The following GABRA6 variants were observed in gnomAD, a reference collection of about 807,000 sequenced individuals.
GABRA6 encodes gamma-aminobutyric acid receptor subunit alpha-6.
Under a neutral mutation model 47.3 loss-of-function variants are expected in GABRA6, and 45 were observed. That is an observed-to-expected ratio of 0.95 (90% confidence interval 0.75 to 1.22). The LOEUF is 1.22. Ranked by LOEUF, GABRA6 falls within the 50% of genes most tolerant of loss-of-function variation. GABRA6 has a pLI of 0.00. For synonymous variants in GABRA6, 219 were observed against 194.7 expected, an observed-to-expected ratio of 1.12 and a Z score of -1.04; for missense variants, 583 against 549.3, an observed-to-expected ratio of 1.06 and a Z score of -0.61.
rs1355101966 is a variant in GABRA6 at position 161,701,495 on chromosome 5, C to G, written c.1087-3C>G. 3 of 1,613,972 alleles carry G rather than the reference C, an allele frequency of 1.9e-6. No individual in the cohort carries two copies. Among genetic ancestry groups the G allele is most frequent in the Non-Finnish European group, 2.5e-6 (3 of 1,179,956 alleles). On this transcript the variant is annotated splice_polypyrimidine_tract_variant and splice_region_variant and intron_variant, in intron 8 of 8. Coordinates refer to ENST00000274545, the MANE Select transcript of GABRA6 (RefSeq NM_000811.3). ...GGGCTTAATATTTGTCTTTTTTCCA[C>G]AGCATCCTGACTCCAAATATCATCT...
intron 8 of GABRA6, among the ~76,000 whole-genome samples, chr5:161,696,812 C>T (rs1431317319): frequency 6.6e-6 from 1 of 152,140 alleles, no homozygotes; most frequent in Non-Finnish European, 1.5e-5. Flanking sequence ...AATATGATGA[C>T]TTTTGCAAAC....
At chr5:161,687,253 A>G (rs1224353344) in intron 3 of GABRA6, 2 of 509,220 alleles carry the variant, frequency 3.9e-6, no homozygotes, top group Non-Finnish European at 7.2e-6. Flanking sequence ...CATGCTATGC[A>G]CTAATTCTTC....
chr5:161,694,864 T>C (rs991672074), intron 8 of GABRA6, among the ~76,000 whole-genome samples: 1 of 152,158 alleles, frequency 6.6e-6, no homozygotes, highest in African/African-American at 2.4e-5. Flanking sequence ...TTGCATTACA[T>C]TTGTTCGTGT....
At chr5:161,690,014 C>G (rs1490466712) in intron 6 of GABRA6, 187 bp from the exon 7 acceptor site, 11 of 675,984 alleles carry the variant, frequency 1.6e-5, no homozygotes, top group Non-Finnish European at 2.8e-5. Flanking sequence ...CTACTGAAAA[C>G]AATAAGTTGA....
In GABRA6 at chr5:161,691,982, G is replaced by A. The variant is rs985539612; in HGVS notation, c.868G>A (p.Ala290Thr). ...AACTATGACCACTTTGAGCATCAGTGCCCGGCACTCTTTGCCAAAAGTGTC... is the reference window on the plus strand; with the variant it reads ...AACTATGACCACTTTGAGCATCAGTACCCGGCACTCTTTGCCAAAAGTGTC... ...VLTMTTLSIS[A>T]RHSLPKVSYA... Residue 290 changes from alanine (A) to threonine (T), a missense_variant, in exon 8 of 9, where the codon GCC (alanine) becomes ACC (threonine). By Grantham distance (58) the Ala-to-Thr change is moderately conservative (BLOSUM62 0). Transcript: ENST00000274545. The A allele has an allele frequency of 6.2e-7, 1 of 1,613,956 alleles. No individual in the cohort carries two copies. Among genetic ancestry groups the A allele is most frequent in the African/African-American group, 1.3e-5 (1 of 75,016 alleles).
rs201745068 is a variant in GABRA6 at position 161,686,917 on chromosome 5, C to T, written c.158-19C>T. 635 of 1,611,138 alleles carry T rather than the reference C, an allele frequency of 3.9e-4. 11 individuals are homozygous for T. In the South Asian group the frequency reaches 6.0e-3, roughly 15 times the overall value. ...ACATCAGTGGTGATAATTGTTTCAT[C>T]CCTCTGGGCTAATTTCAGGTGCTGT... On this transcript the variant is annotated intron_variant, in intron 2 of 8. Transcript: ENST00000274545.
intron 3 of GABRA6, chr5:161,687,523 G>A (rs1754723164): frequency 2.2e-6 from 1 of 456,004 alleles, no homozygotes; most frequent in African/African-American, 2.0e-5. Context: ...CTCTGTTCCA[G>A]GTACAGATGG....
intron 2 of GABRA6, among the ~76,000 whole-genome samples, 164 bp downstream of exon 2, chr5:161,686,512 G>A (rs1754704660): frequency 1.3e-5 from 2 of 152,156 alleles, no homozygotes; most frequent in Admixed American, 1.3e-4. Flanking sequence ...TCCACCATTA[G>A]TAGCCTTGTT....
chr5:161,701,911 A>AACGC lies in GABRA6; in HGVS notation c.*139_*140insCGCA. 1.1e-6 allele frequency: 1 copy of AACGC among 888,694 alleles called. No individual in the cohort carries two copies. The highest frequency in any genetic ancestry group is 2.6e-5 in the East Asian group (1 of 38,960). 55.1% of individuals were successfully genotyped at this position (888,694 alleles called of 1,614,324 possible). On this transcript the variant is annotated 3_prime_UTR_variant, in exon 9 of 9. Transcript: ENST00000274545. ...TGGAAATCTGTAACGCAGCTTCCGT[A>AACGC]AGCATGTGTGGGCAAAAAAGCAATA...
At position 161,701,591 on chromosome 5, in the gene GABRA6, G is replaced by A. The variant is rs776364277; in HGVS notation, c.1180G>A (p.Ala394Thr). Residue 394 changes from alanine to threonine, a missense_variant, in exon 9 of 9, where the codon GCG becomes ACG. Ala to Thr is a moderately conservative substitution (Grantham distance 58, BLOSUM62 0). Coordinates refer to ENST00000274545, the MANE Select transcript of GABRA6 (RefSeq NM_000811.3). The part of the protein sequence containing the change: ...SSEANKVLTR[A>T]PILQSTPVTP... ...CGAGGCCAATAAAGTGCTCACGAGAGCGCCCATCTTACAATCAACACCTGT... is the reference window on the plus strand; with the variant it reads ...CGAGGCCAATAAAGTGCTCACGAGAACGCCCATCTTACAATCAACACCTGT... 12 of 1,613,980 alleles carry A rather than the reference G, an allele frequency of 7.4e-6. No individual in the cohort carries two copies. The highest frequency in any genetic ancestry group is 5.0e-5 in the Admixed American group (3 of 59,974).
chr5:161,697,178 A>C (rs553627054), intron 8 of GABRA6, among the ~76,000 whole-genome samples: 1 of 152,324 alleles, frequency 6.6e-6, no homozygotes, highest in East Asian at 1.9e-4. Context: ...GCAAAAATTC[A>C]AAACCACAGG....
In GABRA6 at chr5:161,701,216, T is replaced by C. The variant is rs1182647961; in HGVS notation, c.1087-282T>C. On this transcript the variant is annotated intron_variant, in intron 8 of 8. Transcript: ENST00000274545. ...GGCTCGTCTTTCCCTAAGGATACAA[T>C]GCTTACCGTAGTTCTATGACATGAA... is the stretch of plus-strand genomic sequence containing the variant. 5.3e-5 allele frequency among the ~76,000 whole-genome samples: 8 copies of C among 152,308 alleles called. No individual in the cohort carries two copies. The East Asian group carries it at 1.4e-3, about 26-fold the overall frequency.
At chr5:161,699,198 G>A (rs982314783) in intron 8 of GABRA6, among the ~76,000 whole-genome samples, 1 of 152,134 alleles carries the variant, frequency 6.6e-6, no homozygotes, top group Non-Finnish European at 1.5e-5. Flanking sequence ...GACAGATAAT[G>A]CATGCTGTTA....
At chr5:161,686,907 A>G (rs1392062920) in intron 2 of GABRA6, 29 bp from the exon 3 acceptor site, 10 of 1,601,200 alleles carry the variant, frequency 6.2e-6, no homozygotes, top group Non-Finnish European at 8.6e-6. Flanking sequence ...AGTGGTGATA[A>G]TTGTTTCATC....
chr5:161,688,962 A>T lies in GABRA6; in HGVS notation c.239A>T (p.Asp80Val). 1.2e-6 allele frequency: 2 copies of T among 1,613,474 alleles called. No individual in the cohort carries two copies. The highest frequency in any genetic ancestry group is 1.7e-5 in the Admixed American group (1 of 60,012). The change falls in exon 4 of 9, where the codon GAT becomes GTT. Residue 80 changes from aspartate (D) to valine (V), a missense_variant. Asp to Val is a radical substitution (Grantham distance 152). Coordinates refer to ENST00000274545, the MANE Select transcript of GABRA6 (RefSeq NM_000811.3). ...VSDVEMEYTM[D>V]VFFRQTWTDE... is the part of the protein sequence containing the mutation. Reference sequence around the variant, plus strand: ...ATTTTCTCTTAGGAGTATACGATGGATGTTTTTTTCCGCCAGACCTGGACT... The same window carrying T: ...ATTTTCTCTTAGGAGTATACGATGGTTGTTTTTTTCCGCCAGACCTGGACT...
At chr5:161,690,381 A>G in intron 7 of GABRA6, 28 bp downstream of exon 7, 2 of 1,604,686 alleles carry the variant, frequency 1.2e-6, no homozygotes, top group Non-Finnish European at 1.7e-6. Context: ...TACTTCACGT[A>G]CATTCATCCT....
Position 161,685,947 on chromosome 5 carries a change from A to G in GABRA6, c.-43A>G. ...AGAGAAGAGCTGGCTAGCAGGGAGG[A>G]CGACCCTAGGAGGGTGAATTCTGCA... On this transcript the variant is annotated 5_prime_UTR_variant, in exon 1 of 9. Transcript: ENST00000274545. The G allele has an allele frequency of 6.4e-7, 1 of 1,572,214 alleles. No individual in the cohort carries two copies. The highest frequency in any genetic ancestry group is 8.8e-7 in the Non-Finnish European group (1 of 1,141,458).
At chr5:161,686,158 T>G in intron 1 of GABRA6, 72 bp from the exon 2 acceptor site, 1 of 1,388,544 alleles carries the variant, frequency 7.2e-7, no homozygotes, top group Non-Finnish European at 1.0e-6. Flanking sequence ...TGTAACAGGG[T>G]GGAATAGAGT....
At chr5:161,691,779 T>C (rs1322476489) in intron 7 of GABRA6, among the ~76,000 whole-genome samples, 162 bp from the exon 8 acceptor site, 1 of 151,976 alleles carries the variant, frequency 6.6e-6, no homozygotes, top group Non-Finnish European at 1.5e-5. Context: ...GAAATGATAA[T>C]ACTTATGATA....
Sources: gnomAD v4.1 joint callset for allele counts (sites outside exome capture counted in the v4.1 genomes callset) on GRCh38, gnomAD v4.1.1 for gene constraint, MANE v1.5 for transcripts, NCBI Gene and HGNC (gene_info 2026-07-23, HGNC 2026-07-21) for gene names.